The following ZNF865 variants were observed in gnomAD, a reference collection of about 807,000 sequenced individuals.
The protein encoded by ZNF865 is zinc finger protein 865.
For synonymous variants in ZNF865, 763 were observed against 750.8 expected (o/e 1.02, Z -0.27); for missense variants, 1,311 against 1,593.4 (o/e 0.82, Z 3.02).
In ZNF865 at chr19:55,605,662, C is replaced by T. The variant is rs1026091109; in HGVS notation, c.-97C>T. The T allele has an allele frequency of 1.3e-5, 2 of 152,116 alleles. No individual in the cohort carries two copies. The highest frequency in any genetic ancestry group is 2.1e-4 in the South Asian group (1 of 4,848). 9.4% of individuals were successfully genotyped at this position (152,116 alleles called of 1,614,324 possible). A position where few individuals can be genotyped will look rare whatever the true frequency, so the allele number is the denominator to read the frequency against. ...AGGGGGCGGCACTTCCGGTCGGGCC[C>T]TCGGGTCTCCCCGGAGCGGCGGCGC... is the stretch of plus-strand genomic sequence containing the variant. On this transcript the variant is annotated 5_prime_UTR_variant, in exon 1 of 2. Transcript: ENST00000568956.
intron 1 of ZNF865, among the ~76,000 whole-genome samples, chr19:55,607,976 A>G (rs1981001604): frequency 6.6e-6 from 1 of 152,202 alleles, no homozygotes; most frequent in African/African-American, 2.4e-5. Context: ...GCCTTCAGGA[A>G]GCCGATCATC....
intron 1 of ZNF865, among the ~76,000 whole-genome samples, chr19:55,607,910 C>T (rs954539338): frequency 1.3e-5 from 2 of 152,144 alleles, no homozygotes; most frequent in Admixed American, 6.6e-5. Flanking sequence ...ATGTATCAAG[C>T]CAGGAACTGT....
intron 1 of ZNF865, among the ~76,000 whole-genome samples, chr19:55,605,963 C>A (rs1280047457): frequency 6.6e-6 from 1 of 152,118 alleles, no homozygotes. Context: ...TCATTCGTGG[C>A]GATCCCCTAA....
rs1205832678 is a variant in ZNF865, at chr19:55,614,855, G to C, written c.1237G>C (p.Gly413Arg). ...DLLRLPCGIC[G>R]KAFRDASYLL... ...CCTGCGCCTGCCCTGCGGCATCTGCGGGAAGGCCTTCCGCGACGCCTCCTA... is the reference window on the plus strand; with the variant it reads ...CCTGCGCCTGCCCTGCGGCATCTGCCGGAAGGCCTTCCGCGACGCCTCCTA... The change falls in exon 2 of 2, where the codon GGG becomes CGG. Residue 413 changes from glycine to arginine, a missense_variant. Gly to Arg is a moderately radical substitution (Grantham distance 125). Coordinates refer to ENST00000568956, the MANE Select transcript of ZNF865 (RefSeq NM_001195605.2). This position sits in a 1 kb window ranked among gnomAD's most constrained non-coding sequence, Gnocchi z 8.0. 1.3e-6 allele frequency: 2 copies of C among 1,524,946 alleles called. No homozygotes were observed. Among genetic ancestry groups the C allele is most frequent in the Non-Finnish European group, 1.8e-6 (2 of 1,140,772 alleles). The allele number at this position is 1,524,946 out of a possible 1,614,324, so 94.5% of individuals were successfully genotyped here. A position where few individuals can be genotyped will look rare whatever the true frequency, so the allele number is the denominator to read the frequency against.
In ZNF865 at chr19:55,615,945, C is replaced by T. The variant is rs1437786513; in HGVS notation, c.2327C>T (p.Ala776Val). The change falls in exon 2 of 2, where the codon GCG (alanine) becomes GTG (valine). Residue 776 changes from alanine (A) to valine (V), a missense_variant. Coordinates refer to ENST00000568956, the MANE Select transcript of ZNF865 (RefSeq NM_001195605.2). ...GVSGGEDAGG[A>V]AVAGAGGGAS... ...TCTGGGGGTGAGGACGCAGGCGGGG[C>T]GGCGGTGGCAGGTGCTGGCGGGGGT... 7.3e-6 allele frequency: 11 copies of T among 1,507,086 alleles called. No homozygotes were observed. In the East Asian group the frequency reaches 2.3e-4, roughly 31 times the overall value. 93.4% of individuals were successfully genotyped at this position (1,507,086 alleles called of 1,614,324 possible). A position where few individuals can be genotyped will look rare whatever the true frequency, so the allele number is the denominator to read the frequency against.
Position 55,616,784 on chromosome 19 carries a change from G to A in ZNF865, c.3166G>A (p.Gly1056Arg). 1.4e-6 allele frequency: 2 copies of A among 1,444,554 alleles called. No individual in the cohort carries two copies. The highest frequency in any genetic ancestry group is 1.4e-5 in the South Asian group (1 of 69,204). 89.5% of individuals were successfully genotyped at this position (1,444,554 alleles called of 1,614,324 possible). The change falls in exon 2 of 2, where the codon GGG becomes AGG. Residue 1056 changes from glycine (G) to arginine (R), a missense_variant. Physicochemically the swap from Gly to Arg is moderately radical, Grantham distance 125 (BLOSUM62 -2). Coordinates refer to ENST00000568956, the MANE Select transcript of ZNF865 (RefSeq NM_001195605.2). ...TGGAGCAGGGGCGGGCACCTTGGCC[G>A]GGAAGGATGCCTGACCGAGGGGTTC... is the stretch of plus-strand genomic sequence containing the variant. ...GPGAGAGTLAGKDA is the reference protein window; with the variant it reads ...GPGAGAGTLARKDA
Position 55,616,239 on chromosome 19 carries a change from G to C in ZNF865, c.2621G>C (p.Arg874Pro), listed in dbSNP as rs1981353773. 1 of 1,525,100 alleles carries C rather than the reference G, an allele frequency of 6.6e-7. No individual in the cohort carries two copies. Among genetic ancestry groups the C allele is most frequent in the Non-Finnish European group, 8.8e-7 (1 of 1,140,662 alleles). 94.5% of individuals were successfully genotyped at this position (1,525,100 alleles called of 1,614,324 possible). The change falls in exon 2 of 2, where the codon CGG becomes CCG. Residue 874 changes from arginine to proline, a missense_variant. Coordinates refer to ENST00000568956, the MANE Select transcript of ZNF865 (RefSeq NM_001195605.2). ...MRHQRCHTEQ[R>P]PYRCGVCGRG... ...CACCAGCGCTGCCACACGGAACAGC[G>C]GCCGTACCGATGTGGCGTGTGCGGC...
Position 55,614,328 on chromosome 19 carries a change from C to G in ZNF865, c.710C>G (p.Ser237Trp), listed in dbSNP as rs2123591472. Residue 237 changes from serine (S) to tryptophan (W), a missense_variant, in exon 2 of 2, where the codon TCG (serine) becomes TGG (tryptophan). Coordinates refer to ENST00000568956, the MANE Select transcript of ZNF865 (RefSeq NM_001195605.2). The surrounding 1 kb of genome is among the most constrained non-coding windows in gnomAD (Gnocchi z 8.0). ...TGCCAGAAGTCCTTCAAGCAGTCCT[C>G]GCACCTGGTCCAGCACATGCTGGTG... is the stretch of plus-strand genomic sequence containing the variant. ...GVCQKSFKQSSHLVQHMLVHS... is the reference protein window; with the variant it reads ...GVCQKSFKQSWHLVQHMLVHS... The G allele has an allele frequency of 9.3e-6, 14 of 1,500,920 alleles. No individual in the cohort carries two copies. The highest frequency in any genetic ancestry group is 2.7e-5 in the East Asian group (1 of 36,982). 93.0% of individuals were successfully genotyped at this position (1,500,920 alleles called of 1,614,324 possible).
In ZNF865 at chr19:55,616,731, C is replaced by T. The variant is rs1298606986; in HGVS notation, c.3113C>T (p.Ala1038Val). 2.0e-6 allele frequency: 3 copies of T among 1,505,102 alleles called. No individual in the cohort carries two copies. The highest frequency in any genetic ancestry group is 2.7e-6 in the Non-Finnish European group (3 of 1,132,058). 93.2% of individuals were successfully genotyped at this position (1,505,102 alleles called of 1,614,324 possible). A position where few individuals can be genotyped will look rare whatever the true frequency, so the allele number is the denominator to read the frequency against. The change falls in exon 2 of 2, where the codon GCG (alanine) becomes GTG (valine). Residue 1038 changes from alanine (A) to valine (V), a missense_variant. Transcript: ENST00000568956. ...TACGGCCTCAAGAAACACCGCCTGG[C>T]GCACAAGGCCGAGAACCTCGGGGGG... is the stretch of plus-strand genomic sequence containing the variant. The part of the protein sequence containing the change: ...NTYGLKKHRL[A>V]HKAENLGGPG...
rs1268540997 is a variant in ZNF865, at chr19:55,613,785, C to T, written c.167C>T (p.Ala56Val). The T allele has an allele frequency of 6.5e-6, 10 of 1,531,472 alleles. No individual in the cohort carries two copies. The highest frequency in any genetic ancestry group is 8.7e-6 in the Non-Finnish European group (10 of 1,144,628). The allele number at this position is 1,531,472 out of a possible 1,614,324, so 94.9% of individuals were successfully genotyped here. A position where few individuals can be genotyped will look rare whatever the true frequency, so the allele number is the denominator to read the frequency against. The change falls in exon 2 of 2, where the codon GCG becomes GTG. Residue 56 changes from alanine (A) to valine (V), a missense_variant. Physicochemically the swap from Ala to Val is moderately conservative, Grantham distance 64. Transcript: ENST00000568956. ...TATGGGGAACACGCCAAGGCGGTGGCGGCCCTGCCCTGCGCCCCCGGCCCC... is the reference window on the plus strand; with the variant it reads ...TATGGGGAACACGCCAAGGCGGTGGTGGCCCTGCCCTGCGCCCCCGGCCCC... ...ELYGEHAKAV[A>V]ALPCAPGPPP...
At chr19:55,609,608 T>C (rs887066639) in intron 1 of ZNF865, among the ~76,000 whole-genome samples, 2 of 152,238 alleles carry the variant, frequency 1.3e-5, no homozygotes, top group African/African-American at 2.4e-5. Context: ...TTCCTCTTTA[T>C]TGGCCACATG....
Position 55,614,332 on chromosome 19 carries a change from C to A in ZNF865, c.714C>A (p.His238Gln). 6.7e-7 allele frequency: 1 copy of A among 1,500,694 alleles called. No homozygotes were observed. The highest frequency in any genetic ancestry group is 8.8e-7 in the Non-Finnish European group (1 of 1,129,944). 93.0% of individuals were successfully genotyped at this position (1,500,694 alleles called of 1,614,324 possible). ...AGAAGTCCTTCAAGCAGTCCTCGCA[C>A]CTGGTCCAGCACATGCTGGTGCACT... ...VCQKSFKQSS[H>Q]LVQHMLVHSG... Residue 238 changes from histidine to glutamine, a missense_variant, in exon 2 of 2, where the codon CAC becomes CAA. His to Gln is a conservative substitution (Grantham distance 24). Coordinates refer to ENST00000568956, the MANE Select transcript of ZNF865 (RefSeq NM_001195605.2). This position sits in a 1 kb window ranked among gnomAD's most constrained non-coding sequence, Gnocchi z 8.0.
rs537630538 is a variant in ZNF865 at position 55,612,198 on chromosome 19, G to A, written c.-26-1395G>A. On this transcript the variant is annotated intron_variant, in intron 1 of 1. Coordinates refer to ENST00000568956, the MANE Select transcript of ZNF865 (RefSeq NM_001195605.2). Reference sequence around the variant, plus strand: ...TTCCAACCCTGTTGAATCTCCCTGCGGTATAGGGGTTCCCCCATTTTAAAC... The same window carrying A: ...TTCCAACCCTGTTGAATCTCCCTGCAGTATAGGGGTTCCCCCATTTTAAAC... 1.4e-4 allele frequency among the ~76,000 whole-genome samples: 22 copies of A among 152,286 alleles called. No individual in the cohort carries two copies. In the East Asian group the frequency reaches 1.5e-3, roughly 11 times the overall value.
At position 55,616,386 on chromosome 19, in the gene ZNF865, G is replaced by A. The variant is rs1302091493; in HGVS notation, c.2768G>A (p.Arg923Gln). The change falls in exon 2 of 2, where the codon CGG becomes CAG. Residue 923 changes from arginine to glutamine, a missense_variant. Transcript: ENST00000568956. ...FAQSSSLAEH[R>Q]RLHAVARPQR... Reference sequence around the variant, plus strand: ...CAGTCGTCCAGCCTGGCAGAGCACCGGCGGCTGCACGCTGTGGCCCGGCCC... The same window carrying A: ...CAGTCGTCCAGCCTGGCAGAGCACCAGCGGCTGCACGCTGTGGCCCGGCCC... The A allele has an allele frequency of 2.6e-6, 4 of 1,509,878 alleles. No individual in the cohort carries two copies. Among genetic ancestry groups the A allele is most frequent in the African/African-American group, 2.8e-5 (2 of 71,580 alleles). The allele number at this position is 1,509,878 out of a possible 1,614,324, so 93.5% of individuals were successfully genotyped here. A position where few individuals can be genotyped will look rare whatever the true frequency, so the allele number is the denominator to read the frequency against.
In ZNF865 at chr19:55,616,243, G is replaced by C. The variant is rs971103561; in HGVS notation, c.2625G>C (p.Pro875=). Residue 875 remains proline, a synonymous_variant, in exon 2 of 2, where the codon CCG becomes CCC. Transcript: ENST00000568956. ...RHQRCHTEQR[P]YRCGVCGRGF... The stretch of plus-strand genomic sequence containing the variant: ...AGCGCTGCCACACGGAACAGCGGCC[G>C]TACCGATGTGGCGTGTGCGGCCGAG... 1 of 1,523,984 alleles carries C rather than the reference G, an allele frequency of 6.6e-7. No homozygotes were observed. Among genetic ancestry groups the C allele is most frequent in the Admixed American group, 2.0e-5 (1 of 49,734 alleles). 94.4% of individuals were successfully genotyped at this position (1,523,984 alleles called of 1,614,324 possible). A position where few individuals can be genotyped will look rare whatever the true frequency, so the allele number is the denominator to read the frequency against.
At chr19:55,608,488 AT>A (rs1392082680) in intron 1 of ZNF865, among the ~76,000 whole-genome samples, 1 of 151,640 alleles carries the variant, frequency 6.6e-6, no homozygotes, top group Non-Finnish European at 1.5e-5. Context: ...CTAATTTTGT[AT>A]TTTTAGTAGA....
In ZNF865 at chr19:55,614,292, C is replaced by A; in HGVS notation, c.674C>A (p.Pro225His). 1 of 1,511,640 alleles carries A rather than the reference C, an allele frequency of 6.6e-7. No homozygotes were observed. The highest frequency in any genetic ancestry group is 1.2e-5 in the South Asian group (1 of 81,646). The allele number at this position is 1,511,640 out of a possible 1,614,324, so 93.6% of individuals were successfully genotyped here. The change falls in exon 2 of 2, where the codon CCC (proline) becomes CAC (histidine). Residue 225 changes from proline to histidine, a missense_variant. Pro to His is a moderately conservative substitution (Grantham distance 77, BLOSUM62 -2). Transcript: ENST00000568956. This position sits in a 1 kb window ranked among gnomAD's most constrained non-coding sequence, Gnocchi z 8.0. ...RLKYLMERRFPCGVCQKSFKQ... is the reference protein window; with the variant it reads ...RLKYLMERRFHCGVCQKSFKQ... ...AAGTACCTGATGGAGCGGCGCTTCC[C>A]CTGCGGCGTGTGCCAGAAGTCCTTC...
chr19:55,607,862 C>A (rs969524363), intron 1 of ZNF865, among the ~76,000 whole-genome samples: 1 of 152,192 alleles, frequency 6.6e-6, no homozygotes, highest in Admixed American at 6.5e-5. Flanking sequence ...ATCACTCCCT[C>A]CTTTCCTAGC....
chr19:55,615,592 C>T lies in ZNF865; in HGVS notation c.1974C>T (p.Gly658=). 9 of 1,531,556 alleles carry T rather than the reference C, an allele frequency of 5.9e-6. No individual in the cohort carries two copies. The highest frequency in any genetic ancestry group is 7.9e-6 in the Non-Finnish European group (9 of 1,145,018). 94.9% of individuals were successfully genotyped at this position (1,531,556 alleles called of 1,614,324 possible). Residue 658 remains glycine, a synonymous_variant, in exon 2 of 2, where the codon GGC becomes GGT. Transcript: ENST00000568956. The part of the protein sequence containing the change: ...TPGACGPGAS[G]TSAGPTDGLS... ...GGGCCTGTGGGCCCGGGGCCTCGGG[C>T]ACGTCTGCAGGGCCCACCGATGGGC...
Sources: allele counts gnomAD v4.1 joint callset (sites outside exome capture counted in the v4.1 genomes callset), GRCh38; gene constraint gnomAD v4.1.1; non-coding constraint Gnocchi (gnomAD v3.1); transcripts MANE v1.5; gene names NCBI Gene and HGNC (gene_info 2026-07-23, HGNC 2026-07-21).